Variants in RIMS2 observed in about 807,000 individuals in gnomAD.
RIMS2 encodes regulating synaptic membrane exocytosis protein 2.
In RIMS2, 59 loss-of-function variants were observed where a neutral mutation model predicts 174.4. The observed-to-expected ratio is 0.34, with a 90% confidence interval of 0.27 to 0.42. RIMS2 has a LOEUF of 0.42. Ranked by LOEUF, RIMS2 falls within the 10% of genes least tolerant of loss-of-function variation. The probability of loss-of-function intolerance (pLI) is 1.00; values close to 1 mark genes in which losing one functional copy is unlikely to be tolerated. For synonymous variants in RIMS2, 606 were observed against 572.5 expected (o/e 1.06, Z -0.84); for missense variants, 1,620 against 1,666.3 (o/e 0.97, Z 0.48).
exon 24 of RIMS2, chr8:104,251,828 A>T (rs771946443): frequency 6.5e-7 from 1 of 1,547,784 alleles, no homozygotes; most frequent in Non-Finnish European, 8.9e-7. Flanking sequence ...TAGCAGCTGT[A>T]AAAAAATTGT....
chr8:104,162,150 A>T (rs1447128228), intron 19 of RIMS2, among the ~76,000 whole-genome samples: 1 of 152,158 alleles, frequency 6.6e-6, no homozygotes, highest in Non-Finnish European at 1.5e-5. Flanking sequence ...CAGTGCATGG[A>T]CATCTTTGGG....
At chr8:103,819,871 G>C in intron 3 of RIMS2, among the ~76,000 whole-genome samples, 1 of 151,988 alleles carries the variant, frequency 6.6e-6, no homozygotes, top group Non-Finnish European at 1.5e-5. Flanking sequence ...ACAGATATCA[G>C]GCTGTTTCAT....
At chr8:103,839,919 C>T (rs1027839712) in intron 3 of RIMS2, among the ~76,000 whole-genome samples, 5 of 152,202 alleles carry the variant, frequency 3.3e-5, no homozygotes, top group African/African-American at 9.6e-5. Flanking sequence ...ATTTTAATCT[C>T]TATTTTTAAC....
At chr8:103,942,361 T>TATA (rs1213252884) in intron 13 of RIMS2, among the ~76,000 whole-genome samples, 1 of 152,204 alleles carries the variant, frequency 6.6e-6, no homozygotes, top group Non-Finnish European at 1.5e-5. Flanking sequence ...TTCCATGGTG[T>TATA]ATATGTACCA....
intron 19 of RIMS2, among the ~76,000 whole-genome samples, chr8:104,059,322 T>G (rs1387433716): frequency 2.0e-5 from 3 of 149,450 alleles, no homozygotes; most frequent in Non-Finnish European, 4.5e-5. Flanking sequence ...TTTTATTCTC[T>G]TTGAAGCAAT....
In RIMS2 at chr8:103,514,373, C is replaced by T. The variant is rs74572921; in HGVS notation, c.176+13311C>T. 1.5e-3 allele frequency among the ~76,000 whole-genome samples: 228 copies of T among 152,212 alleles called. 4 individuals are homozygous for T. In the East Asian group the frequency reaches 0.04, roughly 27 times the overall value. ...ACTTAATGCTTCCTAACCTTTTTCA[C>T]GTGATTCCACATGTAGAAAACAATA... On this transcript the variant is annotated intron_variant, in intron 1 of 23. Transcript: ENST00000504942.
intron 16 of RIMS2, among the ~76,000 whole-genome samples, chr8:103,988,315 A>T (rs537372261): frequency 3.9e-5 from 6 of 152,298 alleles, no homozygotes; most frequent in Non-Finnish European, 7.4e-5. Flanking sequence ...CAGGGTAGGA[A>T]AATTAGCTCA....
At chr8:104,132,539 A>G (rs184534991) in intron 19 of RIMS2, among the ~76,000 whole-genome samples, 5 of 152,252 alleles carry the variant, frequency 3.3e-5, no homozygotes, top group East Asian at 1.9e-4. Flanking sequence ...CTGACCTGCT[A>G]TATTATAGGA....
chr8:103,734,457 GTTCT>G (rs942490343), intron 2 of RIMS2, among the ~76,000 whole-genome samples: 1 of 138,114 alleles, frequency 7.2e-6, no homozygotes, highest in African/African-American at 2.7e-5. Context: ...AGGTTGGATG[GTTCT>G]TTTTTTTTTT....
At chr8:103,769,671 A>G in intron 3 of RIMS2, among the ~76,000 whole-genome samples, 1 of 152,164 alleles carries the variant, frequency 6.6e-6, no homozygotes, top group East Asian at 1.9e-4. Flanking sequence ...AACAAATAAA[A>G]ATCTTATATT....
chr8:103,623,525 C>A (rs963606510), intron 1 of RIMS2, among the ~76,000 whole-genome samples: 2 of 123,506 alleles, frequency 1.6e-5, no homozygotes, highest in African/African-American at 3.2e-5. Flanking sequence ...CGCTCTGTCG[C>A]CCAGGCTGGA....
chr8:104,095,669 G>C (rs1193341504), intron 19 of RIMS2, among the ~76,000 whole-genome samples: 1 of 151,870 alleles, frequency 6.6e-6, no homozygotes, highest in South Asian at 2.1e-4. Context: ...ACTGAAAATT[G>C]TAAATTATGT....
intron 1 of RIMS2, among the ~76,000 whole-genome samples, chr8:103,562,508 C>G (rs2091752964): frequency 6.6e-6 from 1 of 152,200 alleles, no homozygotes; most frequent in South Asian, 2.1e-4. Flanking sequence ...AGGTGGGTTC[C>G]CATGGTCTTG....
At chr8:103,878,428 T>C (rs2099151911) in intron 3 of RIMS2, among the ~76,000 whole-genome samples, 1 of 151,850 alleles carries the variant, frequency 6.6e-6, no homozygotes, top group Non-Finnish European at 1.5e-5. Context: ...ACCTACTTGA[T>C]TGTGGTGAGT....
intron 1 of RIMS2, among the ~76,000 whole-genome samples, chr8:103,689,911 TTTGA>T (rs142835362): frequency 0.78 from 117,012 of 150,500 alleles, 45,802 homozygotes; most frequent in East Asian, 0.88. Context: ...GGATTTTTTG[TTTGA>T]TTGTTTGTTT....
At chr8:103,754,476 G>T (rs1198440147) in intron 2 of RIMS2, among the ~76,000 whole-genome samples, 2 of 152,098 alleles carry the variant, frequency 1.3e-5, no homozygotes, top group Non-Finnish European at 2.9e-5. Context: ...TCAATTCCTG[G>T]ATATCGTTTT....
intron 2 of RIMS2, among the ~76,000 whole-genome samples, chr8:103,744,130 C>T (rs1424796270): frequency 1.3e-5 from 2 of 152,196 alleles, no homozygotes; most frequent in African/African-American, 4.8e-5. Flanking sequence ...ACTGCAACCT[C>T]TGCCTCCCAG....
chr8:103,864,153 G>A (rs1313543176), intron 3 of RIMS2, among the ~76,000 whole-genome samples: 3 of 151,380 alleles, frequency 2.0e-5, no homozygotes, highest in Non-Finnish European at 4.4e-5. Flanking sequence ...CTGATTCCTT[G>A]TATGATGTGT....
intron 1 of RIMS2, among the ~76,000 whole-genome samples, chr8:103,517,017 T>C (rs1829326497): frequency 6.6e-6 from 1 of 152,226 alleles, no homozygotes; most frequent in Non-Finnish European, 1.5e-5. Context: ...AAATGCATTT[T>C]GAGCATCTGT....
Sources: allele counts gnomAD v4.1 joint callset (sites outside exome capture counted in the v4.1 genomes callset), GRCh38; gene constraint gnomAD v4.1.1; transcripts MANE v1.5; gene names NCBI Gene and HGNC (gene_info 2026-07-23, HGNC 2026-07-21).